The following NR3C2 variants were observed in gnomAD, a reference collection of about 807,000 sequenced individuals.
The protein encoded by NR3C2 is mineralocorticoid receptor.
In NR3C2, 15 loss-of-function variants were observed where a neutral mutation model predicts 86.4. The ratio of observed to expected loss-of-function variants is 0.17; its 90% CI spans 0.12 to 0.27. NR3C2 has a LOEUF of 0.27. NR3C2 is among the 10% of genes least tolerant of loss of function. NR3C2 has a pLI of 1.00. For synonymous variants in NR3C2, 458 were observed against 450.5 expected (o/e 1.02, Z -0.21); for missense variants, 960 against 1,195.6 (o/e 0.80, Z 2.91).
intron 2 of NR3C2, among the ~76,000 whole-genome samples, chr4:148,365,712 T>C (rs1746079866): frequency 6.6e-6 from 1 of 151,480 alleles, no homozygotes; most frequent in Admixed American, 6.6e-5. Context: ...CCATGTGATA[T>C]GAAAATATCT....
intron 8 of NR3C2, among the ~76,000 whole-genome samples, chr4:148,099,851 A>G (rs1380544813): frequency 2.0e-5 from 3 of 152,212 alleles, no homozygotes; most frequent in Admixed American, 6.5e-5. Context: ...TCTTCTAGAA[A>G]CATAGCCTGT....
intron 2 of NR3C2, among the ~76,000 whole-genome samples, chr4:148,346,450 T>C (rs1744996175): frequency 6.6e-6 from 1 of 152,032 alleles, no homozygotes; most frequent in South Asian, 2.1e-4. Context: ...TATGCTTAGC[T>C]GTAGACAGGC....
intron 2 of NR3C2, 72 bp from the exon 3 acceptor site, chr4:148,260,189 A>C: frequency 3.8e-6 from 6 of 1,582,668 alleles, no homozygotes; most frequent in Non-Finnish European, 5.2e-6. Context: ...AGCTTAGCTC[A>C]AAATTTGTCA....
intron 2 of NR3C2, among the ~76,000 whole-genome samples, chr4:148,269,536 G>C (rs572400111): frequency 6.6e-6 from 1 of 151,996 alleles, no homozygotes; most frequent in Non-Finnish European, 1.5e-5. Flanking sequence ...TCTCTAAAAA[G>C]ATCTAACATC....
chr4:148,191,128 T>G (rs978721714), intron 4 of NR3C2, among the ~76,000 whole-genome samples: 23 of 152,218 alleles, frequency 1.5e-4, no homozygotes, highest in Non-Finnish European at 1.8e-4. Context: ...TTCCAGAATT[T>G]GTTTCAAGAT....
intron 2 of NR3C2, among the ~76,000 whole-genome samples, chr4:148,340,007 C>A (rs186531290): frequency 5.3e-5 from 8 of 152,120 alleles, no homozygotes; most frequent in African/African-American, 1.7e-4. Flanking sequence ...AGTAAAAGAT[C>A]TCTATAAGAA....
chr4:148,284,100 C>T (rs1195116960), intron 2 of NR3C2, among the ~76,000 whole-genome samples: 2 of 152,100 alleles, frequency 1.3e-5, no homozygotes, highest in Non-Finnish European at 2.9e-5. Context: ...TAATGGAGCA[C>T]GCAGGAGGTC....
chr4:148,120,066 A>G, intron 7 of NR3C2, 92 bp downstream of exon 7: 1 of 1,547,558 alleles, frequency 6.5e-7, no homozygotes, highest in Non-Finnish European at 8.9e-7. Flanking sequence ...TTGTTTTGGT[A>G]CCAACTACCT....
chr4:148,175,010 G>A (rs768756284), intron 4 of NR3C2, among the ~76,000 whole-genome samples: 2 of 152,168 alleles, frequency 1.3e-5, no homozygotes, highest in Non-Finnish European at 2.9e-5. Flanking sequence ...GGTAAAGTCA[G>A]TAGTCCCTTT....
chr4:148,347,568 G>C (rs952552435), intron 2 of NR3C2, among the ~76,000 whole-genome samples: 6 of 152,026 alleles, frequency 3.9e-5, no homozygotes, highest in African/African-American at 1.4e-4. Flanking sequence ...AATAAAATCA[G>C]TGTTCTCTCA....
chr4:148,251,218 C>T (rs1739560535), intron 3 of NR3C2, among the ~76,000 whole-genome samples: 1 of 152,102 alleles, frequency 6.6e-6, no homozygotes, highest in African/African-American at 2.4e-5. Flanking sequence ...CTAAACCTTC[C>T]AAAGTTCTGG....
intron 4 of NR3C2, among the ~76,000 whole-genome samples, chr4:148,185,802 T>A (rs1173721044): frequency 1.3e-5 from 2 of 152,164 alleles, no homozygotes; most frequent in Non-Finnish European, 2.9e-5. Flanking sequence ...TCAGTCCACA[T>A]TAGTATATAC....
At chr4:148,151,361 TA>T (rs1479560800) in intron 6 of NR3C2, among the ~76,000 whole-genome samples, 1 of 152,218 alleles carries the variant, frequency 6.6e-6, no homozygotes, top group African/African-American at 2.4e-5. Flanking sequence ...ATCAATTGAT[TA>T]TTGAGGAATA....
intron 8 of NR3C2, among the ~76,000 whole-genome samples, chr4:148,105,185 T>C (rs908503705): frequency 6.6e-6 from 1 of 151,970 alleles, no homozygotes; most frequent in Admixed American, 6.6e-5. Flanking sequence ...AATGTGTGAA[T>C]AAAAAATAAT....
intron 4 of NR3C2, among the ~76,000 whole-genome samples, chr4:148,167,903 G>A (rs1734951161): frequency 6.6e-6 from 1 of 152,190 alleles, no homozygotes; most frequent in Non-Finnish European, 1.5e-5. Flanking sequence ...AGTAAGTCAA[G>A]CAATCTCCAA....
chr4:148,353,789 C>A (rs952552172), intron 2 of NR3C2, among the ~76,000 whole-genome samples: 1 of 152,118 alleles, frequency 6.6e-6, no homozygotes, highest in Non-Finnish European at 1.5e-5. Context: ...ATTCTTCTTA[C>A]TGACTTACAT....
At chr4:148,249,957 G>A (rs1739496444) in intron 3 of NR3C2, among the ~76,000 whole-genome samples, 1 of 152,128 alleles carries the variant, frequency 6.6e-6, no homozygotes, top group Admixed American at 6.6e-5. Context: ...GAGAGGGAGA[G>A]AGACAATGTG....
intron 2 of NR3C2, among the ~76,000 whole-genome samples, chr4:148,399,071 C>A (rs894577534): frequency 2.0e-5 from 3 of 152,162 alleles, no homozygotes; most frequent in African/African-American, 7.2e-5. Context: ...CCTGGTTATC[C>A]CTCCAGGGTC....
intron 3 of NR3C2, among the ~76,000 whole-genome samples, chr4:148,254,980 G>C (rs1739759347): frequency 6.6e-6 from 1 of 152,028 alleles, no homozygotes; most frequent in South Asian, 2.1e-4. Context: ...AGCTATATTT[G>C]AATTATTACG....
Sources: allele counts gnomAD v4.1 joint callset (sites outside exome capture counted in the v4.1 genomes callset), GRCh38; gene constraint gnomAD v4.1.1; transcripts MANE v1.5; gene names NCBI Gene and HGNC (gene_info 2026-07-23, HGNC 2026-07-21).